The following RIBC1 variants were observed in gnomAD, a reference collection of about 807,000 sequenced individuals.
RIBC1 encodes the protein RIB43A-like with coiled-coils protein 1.
Under a neutral mutation model 33.7 loss-of-function variants are expected in RIBC1, and 12 were observed. That is an observed-to-expected ratio of 0.36 (90% CI 0.23 to 0.58). The LOEUF is 0.58. Among genes scored for constraint, RIBC1 ranks in the 20% least tolerant of loss-of-function variants. The pLI is 0.81. For synonymous variants in RIBC1, 89 were observed against 109.0 expected, an observed-to-expected ratio of 0.82 and a Z score of 1.14; for missense variants, 242 against 311.6, an observed-to-expected ratio of 0.78 and a Z score of 1.68.
rs781825881 is a variant in RIBC1 at position 53,428,349 on chromosome X, G to A, written c.266G>A (p.Arg89His). The A allele has an allele frequency of 5.8e-6, 7 of 1,212,006 alleles. No homozygotes were observed. The highest frequency in any genetic ancestry group is 3.0e-5 in the East Asian group (1 of 33,872). Residue 89 changes from arginine to histidine, a missense_variant, in exon 5 of 8, where the codon CGT becomes CAT. By Grantham distance (29) the Arg-to-His change is conservative. Transcript: ENST00000375327. ...MLEKEEADRT[R>H]QLAKKVQEFR... ...GAGAAGGAAGAGGCAGATCGAACAC[G>A]TCAGCTGGCCAAGAAAGTCCAGGAG...
chrX:53,427,238 C>T (rs2075797259), intron 3 of RIBC1, among the ~76,000 whole-genome samples: 1 of 112,131 alleles, frequency 8.9e-6, no homozygotes, highest in Non-Finnish European at 1.9e-5. Context: ...TATTTAAGGC[C>T]AGGTCTGCTG....
intron 1 of RIBC1, 122 bp from the exon 2 acceptor site, chrX:53,423,192 G>C (rs922399145): frequency 8.5e-5 from 12 of 141,148 alleles, no homozygotes; most frequent in Non-Finnish European, 1.5e-4. Context: ...GACGGGTTGC[G>C]AAGGCGGACG....
intron 3 of RIBC1, among the ~76,000 whole-genome samples, chrX:53,427,659 C>T (rs1243243989): frequency 1.8e-5 from 2 of 112,098 alleles, no homozygotes; most frequent in African/African-American, 3.2e-5. Flanking sequence ...CTGAGCTGGT[C>T]TCGAAGGACA....
chrX:53,426,147 TATATC>T (rs2075790166), intron 2 of RIBC1, 125 bp from the exon 3 acceptor site: 5 of 475,230 alleles, frequency 1.1e-5, no homozygotes, highest in East Asian at 3.6e-5. Context: ...AGATACGAAA[TATATC>T]AGGAAGTAAA....
chrX:53,427,699 A>G lies in RIBC1; in HGVS notation c.118-304A>G, dbSNP rs1015385696. Among the ~76,000 whole-genome samples, 6 of 112,195 alleles carry G rather than the reference A, an allele frequency of 5.3e-5. No homozygotes were observed. In the Admixed American group the frequency reaches 5.7e-4, roughly 11 times the overall value. On this transcript the variant is annotated intron_variant, in intron 3 of 7. Coordinates refer to ENST00000375327, the MANE Select transcript of RIBC1 (RefSeq NM_001031745.5). ...GGAATTTGTGTAAAGAGGGGAGGAA[A>G]GTGTTCCAAGTGGAGGGAGCAGCTT...
At position 53,428,095 on chromosome X, in the gene RIBC1, A is replaced by C; in HGVS notation, c.199+11A>C. ...AGGAGGCAGCTTATGGTAAAAGCCA[A>C]AAGCCAGGGGCCAGACAAGGGTGTA... is the stretch of plus-strand genomic sequence containing the variant. On this transcript the variant is annotated intron_variant, in intron 4 of 7. Transcript: ENST00000375327. 4 of 1,207,430 alleles carry C rather than the reference A, an allele frequency of 3.3e-6. No individual in the cohort carries two copies. The highest frequency in any genetic ancestry group is 4.5e-6 in the Non-Finnish European group (4 of 891,973).
chrX:53,429,956 A>G lies in RIBC1; in HGVS notation c.647A>G (p.Asn216Ser), dbSNP rs962386852. The G allele has an allele frequency of 5.8e-6, 7 of 1,204,477 alleles. No individual in the cohort carries two copies. The highest frequency in any genetic ancestry group is 6.7e-6 in the Non-Finnish European group (6 of 889,246). ...GCGGCCATGATGTGTGCCATGGCCA[A>G]CGCCAACAAAGCGCAGGTATGGCCT... ...CRAAMMCAMA[N>S]ANKAQAAVQA... Residue 216 changes from asparagine to serine, a missense_variant, in exon 6 of 8, where the codon AAC becomes AGC. By Grantham distance (46) the Asn-to-Ser change is conservative. Transcript: ENST00000375327.
Position 53,427,954 on chromosome X carries a change from G to T in RIBC1, c.118-49G>T, listed in dbSNP as rs185898674. On this transcript the variant is annotated intron_variant, in intron 3 of 7. Coordinates refer to ENST00000375327, the MANE Select transcript of RIBC1 (RefSeq NM_001031745.5). The stretch of plus-strand genomic sequence containing the variant: ...ATTAGTTTGTGGTAGGACATTGAAG[G>T]CCCCCTGCTGGGCCCCTACTCTGAT... The T allele has an allele frequency of 2.8e-6, 3 of 1,054,250 alleles. No individual in the cohort carries two copies. The Admixed American group carries it at 6.7e-5, about 24-fold the overall frequency. 86.9% of individuals were successfully genotyped at this position (1,054,250 alleles called of 1,213,427 possible).
At chrX:53,427,973 C>T (rs782576097) in intron 3 of RIBC1, 30 bp from the exon 4 acceptor site, 1 of 1,178,775 alleles carries the variant, frequency 8.5e-7, no homozygotes, top group East Asian at 3.0e-5. Flanking sequence ...TGGGCCCCTA[C>T]TCTGATTGTG....
At chrX:53,429,156 T>C (rs1243197940) in intron 5 of RIBC1, 1 of 118,278 alleles carries the variant, frequency 8.5e-6, no homozygotes, top group African/African-American at 3.2e-5. Flanking sequence ...AGTATTTGTT[T>C]AATATCTGTC....
intron 5 of RIBC1, 140 bp from the exon 6 acceptor site, chrX:53,429,714 C>T (rs1274247330): frequency 8.5e-6 from 9 of 1,062,231 alleles, no homozygotes; most frequent in Non-Finnish European, 1.1e-5. Context: ...GTTCCTTCCA[C>T]ATCCCTACAA....
rs150800099 is a variant in RIBC1 at position 53,428,638 on chromosome X, C to T, written c.544+11C>T. On this transcript the variant is annotated intron_variant, in intron 5 of 7. Coordinates refer to ENST00000375327, the MANE Select transcript of RIBC1 (RefSeq NM_001031745.5). ...ATGAGAATTATACAGGTAAGCAGCC[C>T]GGCCCTCCAGACTCAGAGACCTGAG... 9.0e-5 allele frequency: 108 copies of T among 1,206,230 alleles called. No individual in the cohort carries two copies. In the African/African-American group the frequency reaches 1.4e-3, roughly 15 times the overall value.
In RIBC1 at chrX:53,426,271, C is replaced by T. The variant is rs982691201; in HGVS notation, c.1-6C>T. Reference sequence around the variant, plus strand: ...GATGGGCCATTCCACCTCCCTTTTGCTCCAGATGTATAACATAAAACAGTC... The same window carrying T: ...GATGGGCCATTCCACCTCCCTTTTGTTCCAGATGTATAACATAAAACAGTC... On this transcript the variant is annotated splice_region_variant and splice_polypyrimidine_tract_variant and intron_variant, in intron 2 of 7. Coordinates refer to ENST00000375327, the MANE Select transcript of RIBC1 (RefSeq NM_001031745.5). 8.5e-7 allele frequency: 1 copy of T among 1,177,584 alleles called. No homozygotes were observed. The highest frequency in any genetic ancestry group is 1.2e-6 in the Non-Finnish European group (1 of 864,790).
chrX:53,429,255 C>G (rs1018740084), intron 5 of RIBC1: 2 of 115,828 alleles, frequency 1.7e-5, no homozygotes, highest in African/African-American at 3.2e-5. Context: ...TCTGACAGGT[C>G]TTAGGAACAG....
intron 2 of RIBC1, among the ~76,000 whole-genome samples, chrX:53,425,750 C>T (rs1480085682): frequency 2.7e-5 from 3 of 111,010 alleles, no homozygotes; most frequent in African/African-American, 6.6e-5. Context: ...GGTTTTTGAC[C>T]GGAGCAACTT....
intron 3 of RIBC1, among the ~76,000 whole-genome samples, chrX:53,427,073 G>A (rs1176592488): frequency 3.6e-5 from 4 of 112,439 alleles, no homozygotes; most frequent in African/African-American, 9.7e-5. Flanking sequence ...GGACACTTAC[G>A]CCTCACTAAA....
Position 53,430,800 on chromosome X carries a change from A to T in RIBC1, c.1058+10A>T. 1.7e-6 allele frequency: 2 copies of T among 1,205,624 alleles called. No homozygotes were observed. The highest frequency in any genetic ancestry group is 2.2e-6 in the Non-Finnish European group (2 of 891,929). On this transcript the variant is annotated intron_variant, in intron 7 of 7. Transcript: ENST00000375327. ...ATGAGCAAAAAGCCCAGTGAGTTCT[A>T]GGTGGTAGTGGTGGAGATAAATGCC...
In RIBC1 at chrX:53,429,687, C is replaced by T. The variant is rs935763798; in HGVS notation, c.545-167C>T. On this transcript the variant is annotated intron_variant, in intron 5 of 7. Coordinates refer to ENST00000375327, the MANE Select transcript of RIBC1 (RefSeq NM_001031745.5). ...TCTTTTAGTTATGCGCTTGAGAAAT[C>T]GTTGTTGCTGCACCTAGTTCCTTCC... is the stretch of plus-strand genomic sequence containing the variant. 9 of 1,029,173 alleles carry T rather than the reference C, an allele frequency of 8.7e-6. No homozygotes were observed. In the African/African-American group the frequency reaches 9.5e-5, roughly 11 times the overall value. The allele number at this position is 1,029,173 out of a possible 1,213,427, so 84.8% of individuals were successfully genotyped here. A position where few individuals can be genotyped will look rare whatever the true frequency, so the allele number is the denominator to read the frequency against.
At chrX:53,430,325 T>C (rs1211932690) in intron 6 of RIBC1, 71 bp from the exon 7 acceptor site, 2 of 895,529 alleles carry the variant, frequency 2.2e-6, no homozygotes, top group Admixed American at 2.8e-5. Context: ...TAGGGCCATG[T>C]TCCCCCCTCC....
Sources: gnomAD v4.1 joint callset for allele counts (sites outside exome capture counted in the v4.1 genomes callset) on GRCh38, gnomAD v4.1.1 for gene constraint, MANE v1.5 for transcripts, NCBI Gene and HGNC (gene_info 2026-07-23, HGNC 2026-07-21) for gene names.